Variants in MACROD2 observed in about 807,000 individuals in gnomAD.
MACROD2 encodes ADP-ribose glycohydrolase MACROD2.
MACROD2 carries 36 observed loss-of-function variants against 70.4 expected under a neutral mutation model. The ratio of observed to expected loss-of-function variants is 0.51; its 90% confidence interval spans 0.39 to 0.68. The LOEUF (loss-of-function observed/expected upper bound fraction) is 0.68. Among genes scored for constraint, MACROD2 ranks in the 30% least tolerant of loss-of-function variants. The probability of loss-of-function intolerance (pLI) is 0.00; values close to 1 mark genes in which losing one functional copy is unlikely to be tolerated. For synonymous variants in MACROD2, 172 were observed against 178.8 expected (o/e 0.96, Z 0.30); for missense variants, 496 against 538.4 (o/e 0.92, Z 0.78).
chr20:14,545,482 TGAG>T, intron 4 of MACROD2, among the ~76,000 whole-genome samples: 1 of 152,288 alleles, frequency 6.6e-6, no homozygotes, highest in Non-Finnish European at 1.5e-5. Flanking sequence ...TTGCATTGTT[TGAG>T]GAGATTTTTT....
In MACROD2 at chr20:15,899,517, A is replaced by G. The variant is rs73597710; in HGVS notation, c.775+13706A>G. ...ACACACATATAATGAGTTATTTTAT[A>G]AAACAAACACATATTTTCATTAAAC... On this transcript the variant is annotated intron_variant, in intron 10 of 17. Transcript: ENST00000684519. Among the ~76,000 whole-genome samples, 590 of 152,336 alleles carry G rather than the reference A, an allele frequency of 3.9e-3. 2 individuals carry two copies. Among genetic ancestry groups the G allele is most frequent in the South Asian group, 0.023 (111 of 4,830 alleles).
chr20:16,049,764 A>T lies in MACROD2; in HGVS notation c.1301-66A>T, dbSNP rs1250178041. The T allele has an allele frequency of 3.9e-6, 6 of 1,538,954 alleles. No homozygotes were observed. In the South Asian group the frequency reaches 4.5e-5, roughly 12 times the overall value. ...ATTTAAATGGCTGTATTAAAAATGT[A>T]TTCCTTGCTAAGCCTGTGAAGATGT... On this transcript the variant is annotated intron_variant, in intron 17 of 17. Coordinates refer to ENST00000684519, the MANE Select transcript of MACROD2 (RefSeq NM_001351661.2).
intron 5 of MACROD2, among the ~76,000 whole-genome samples, chr20:14,774,585 G>T (rs2072210768): frequency 6.6e-6 from 1 of 151,990 alleles, no homozygotes; most frequent in Non-Finnish European, 1.5e-5. Context: ...AAAATATAAA[G>T]GAAGACTGCT....
chr20:15,737,066 G>T (rs2051032070), intron 8 of MACROD2, among the ~76,000 whole-genome samples: 1 of 152,162 alleles, frequency 6.6e-6, no homozygotes. Flanking sequence ...CTTAAATAAA[G>T]AATTGATTGG....
chr20:14,120,646 G>T (rs2054575467), intron 3 of MACROD2, among the ~76,000 whole-genome samples: 1 of 150,364 alleles, frequency 6.7e-6, no homozygotes, highest in Non-Finnish European at 1.5e-5. Flanking sequence ...TGATAGACTA[G>T]ATAAAGAAAA....
chr20:14,337,014 A>C (rs1427776582), intron 3 of MACROD2, among the ~76,000 whole-genome samples: 3 of 152,198 alleles, frequency 2.0e-5, no homozygotes, highest in Non-Finnish European at 4.4e-5. Flanking sequence ...CAGTTGTAAA[A>C]ACAGCAATTG....
chr20:15,482,581 C>A (rs773413498), intron 7 of MACROD2, among the ~76,000 whole-genome samples: 2 of 152,122 alleles, frequency 1.3e-5, no homozygotes, highest in Admixed American at 6.5e-5. Context: ...TGTGCGAATA[C>A]CAAGGTGTGA....
intron 8 of MACROD2, among the ~76,000 whole-genome samples, chr20:15,739,615 G>A (rs2051075289): frequency 6.6e-6 from 1 of 152,182 alleles, no homozygotes; most frequent in Non-Finnish European, 1.5e-5. Flanking sequence ...TTTCATCCCA[G>A]TAGTGAGAAT....
intron 8 of MACROD2, among the ~76,000 whole-genome samples, chr20:15,730,713 G>A (rs1227873097): frequency 2.6e-5 from 4 of 151,318 alleles, no homozygotes; most frequent in Non-Finnish European, 4.4e-5. Context: ...TCCATTTCCT[G>A]AATTTGAATG....
chr20:15,818,366 C>T (rs976795831), intron 8 of MACROD2, among the ~76,000 whole-genome samples: 1 of 152,114 alleles, frequency 6.6e-6, no homozygotes, highest in African/African-American at 2.4e-5. Flanking sequence ...TTCCCAGAAC[C>T]GAGGGTTCCT....
rs1323226908 is a variant in MACROD2, at chr20:15,986,720, T to C, written c.986-7T>C. 2 of 1,606,290 alleles carry C rather than the reference T, an allele frequency of 1.2e-6. No individual in the cohort carries two copies. The highest frequency in any genetic ancestry group is 1.7e-6 in the Non-Finnish European group (2 of 1,173,724). On this transcript the variant is annotated splice_region_variant and splice_polypyrimidine_tract_variant and intron_variant, in intron 13 of 17. Transcript: ENST00000684519. ...TTCTTTTATTTTTCAATCACTGTTT[T>C]GAACAGGACAAGAGAATGATTCAAC... is the stretch of plus-strand genomic sequence containing the variant.
At chr20:15,940,988 G>T (rs2065743503) in intron 12 of MACROD2, among the ~76,000 whole-genome samples, 1 of 152,172 alleles carries the variant, frequency 6.6e-6, no homozygotes, top group Admixed American at 6.5e-5. Flanking sequence ...GTTTCAGGCT[G>T]GGATTTTTCC....
chr20:15,381,628 T>C (rs977012752), intron 6 of MACROD2, among the ~76,000 whole-genome samples: 1 of 152,148 alleles, frequency 6.6e-6, no homozygotes, highest in African/African-American at 2.4e-5. Context: ...ATTGCGCCAC[T>C]GAACTCCAGC....
At chr20:15,147,387 A>C (rs1451365625) in intron 5 of MACROD2, among the ~76,000 whole-genome samples, 1 of 151,916 alleles carries the variant, frequency 6.6e-6, no homozygotes, top group African/African-American at 2.4e-5. Flanking sequence ...TTATTTTTAC[A>C]TAAAGGAAAG....
intron 5 of MACROD2, among the ~76,000 whole-genome samples, chr20:14,908,784 T>C (rs1398642747): frequency 6.6e-6 from 1 of 152,150 alleles, no homozygotes; most frequent in Non-Finnish European, 1.5e-5. Context: ...AGCCAAGAAA[T>C]GAAGGTCTAC....
intron 12 of MACROD2, 94 bp downstream of exon 12, chr20:15,937,638 A>AT: frequency 8.7e-7 from 1 of 1,151,706 alleles, no homozygotes; most frequent in South Asian, 1.3e-5. Flanking sequence ...CAAGTCAAAT[A>AT]TAACTAGGTT....
rs546252569 is a variant in MACROD2 at position 14,887,837 on chromosome 20, A to G, written c.418+202878A>G. 2.0e-5 allele frequency among the ~76,000 whole-genome samples: 3 copies of G among 151,318 alleles called. No homozygotes were observed. In the East Asian group the frequency reaches 5.8e-4, roughly 29 times the overall value. On this transcript the variant is annotated intron_variant, in intron 5 of 17. Coordinates refer to ENST00000684519, the MANE Select transcript of MACROD2 (RefSeq NM_001351661.2). ...ATTGGACTTGTCTCGTGATGTCACA[A>G]AATATTCAAACTGGAAGAAAAGCAT...
chr20:14,940,610 G>T (rs1239689631), intron 5 of MACROD2, among the ~76,000 whole-genome samples: 1 of 152,032 alleles, frequency 6.6e-6, no homozygotes, highest in East Asian at 1.9e-4. Flanking sequence ...ATCATAAAAG[G>T]ATGTTGAATT....
chr20:15,498,028 G>A (rs62193937), intron 7 of MACROD2, among the ~76,000 whole-genome samples: 4,612 of 152,236 alleles, frequency 0.03, 103 homozygotes, highest in Non-Finnish European at 0.042. Context: ...TAAAGAAAAC[G>A]AATAGGATTA....
Sources: allele counts gnomAD v4.1 joint callset (sites outside exome capture counted in the v4.1 genomes callset), GRCh38; gene constraint gnomAD v4.1.1; transcripts MANE v1.5; gene names NCBI Gene and HGNC (gene_info 2026-07-23, HGNC 2026-07-21).